INPP5A: variants seen among roughly 807,000 people sequenced by gnomAD.
The protein encoded by INPP5A is 43 kDa inositol polyphosphate 5-phophatase.
Under a neutral mutation model 65.2 loss-of-function variants are expected in INPP5A, and 14 were observed. The ratio of observed to expected loss-of-function variants is 0.21; its 90% confidence interval spans 0.14 to 0.34. INPP5A has a LOEUF of 0.34. Ranked by LOEUF, INPP5A falls within the 10% of genes least tolerant of loss-of-function variation. INPP5A has a pLI of 1.00. For missense variants in INPP5A, 431 were observed against 545.6 expected (o/e 0.79, Z 2.09); for synonymous variants, 207 against 208.3 (o/e 0.99, Z 0.05).
intron 5 of INPP5A, among the ~76,000 whole-genome samples, chr10:132,696,896 C>T (rs888026982): frequency 1.1e-4 from 16 of 152,216 alleles, no homozygotes; most frequent in Non-Finnish European, 2.2e-4. Context: ...CTCCTGCCCA[C>T]CCCAGTGGTG....
intron 1 of INPP5A, among the ~76,000 whole-genome samples, chr10:132,590,907 G>A (rs1442113471): frequency 6.6e-6 from 1 of 152,194 alleles, no homozygotes; most frequent in Non-Finnish European, 1.5e-5. Flanking sequence ...TTGCTCCATG[G>A]TTTTCACTTA....
At position 132,574,746 on chromosome 10, in the gene INPP5A, A is replaced by C. The variant is rs1279398536; in HGVS notation, c.76-33169A>C. Among the ~76,000 whole-genome samples the C allele has an allele frequency of 8.9e-5, 13 of 145,336 alleles. No individual in the cohort carries two copies. In the Admixed American group the frequency reaches 9.1e-4, roughly 10 times the overall value. ...CGCTCTGTTGCCCAGGCTGGAGTGC[A>C]GTCGTGGGATCTTGGCTCACTGCAA... is the stretch of plus-strand genomic sequence containing the variant. On this transcript the variant is annotated intron_variant, in intron 1 of 15. Coordinates refer to ENST00000368594, the MANE Select transcript of INPP5A (RefSeq NM_005539.5).
At chr10:132,630,419 G>T (rs1275091867) in intron 2 of INPP5A, among the ~76,000 whole-genome samples, 1 of 151,906 alleles carries the variant, frequency 6.6e-6, no homozygotes, top group African/African-American at 2.4e-5. Flanking sequence ...GTGTCCATAA[G>T]GGAAAGGTGC....
chr10:132,563,361 G>T (rs1298800585), intron 1 of INPP5A, among the ~76,000 whole-genome samples: 1 of 152,180 alleles, frequency 6.6e-6, no homozygotes, highest in Non-Finnish European at 1.5e-5. Flanking sequence ...CGTCTGCCGG[G>T]TGCTGCGGGA....
At position 132,644,496 on chromosome 10, in the gene INPP5A, T is replaced by C. The variant is rs1156878537; in HGVS notation, c.118-1372T>C. 6.6e-6 allele frequency among the ~76,000 whole-genome samples: 1 copy of C among 152,252 alleles called. No homozygotes were observed. Among genetic ancestry groups the C allele is most frequent in the African/African-American group, 2.4e-5 (1 of 41,464 alleles). ...CTTGCTGGCTGCCCACTTGCTCAGCTGCGCCCTGGACCGTGGCCGCTGGGC... is the reference window on the plus strand; with the variant it reads ...CTTGCTGGCTGCCCACTTGCTCAGCCGCGCCCTGGACCGTGGCCGCTGGGC... On this transcript the variant is annotated intron_variant, in intron 2 of 15. Transcript: ENST00000368594. This position sits in a 1 kb window ranked among gnomAD's most constrained non-coding sequence, Gnocchi z 6.5.
chr10:132,771,128 CG>C (rs1846940361), intron 12 of INPP5A, among the ~76,000 whole-genome samples: 1 of 152,084 alleles, frequency 6.6e-6, no homozygotes, highest in South Asian at 2.1e-4. Context: ...ATATGGTGTC[CG>C]TGAAAACGAG....
Position 132,546,480 on chromosome 10 carries a change from T to C in INPP5A, c.75+8309T>C, listed in dbSNP as rs2070973147. 6.6e-6 allele frequency among the ~76,000 whole-genome samples: 1 copy of C among 151,800 alleles called. No individual in the cohort carries two copies. The highest frequency in any genetic ancestry group is 1.5e-5 in the Non-Finnish European group (1 of 67,942). On this transcript the variant is annotated intron_variant, in intron 1 of 15. Transcript: ENST00000368594. This position sits in a 1 kb window ranked among gnomAD's most constrained non-coding sequence, Gnocchi z 5.7. Reference sequence around the variant, plus strand: ...TCTTGATCCTTCTCTCCGACAGGAGTGTGAGACTCCTCTTCAGGGGTTGCT... The same window carrying C: ...TCTTGATCCTTCTCTCCGACAGGAGCGTGAGACTCCTCTTCAGGGGTTGCT...
intron 2 of INPP5A, among the ~76,000 whole-genome samples, chr10:132,641,432 CTAGTCCAG>C (rs2072426195): frequency 6.6e-6 from 1 of 152,226 alleles, no homozygotes; most frequent in Non-Finnish European, 1.5e-5. Flanking sequence ...ATACAGCTAA[CTAGTCCAG>C]CTATCCGGAT....
At chr10:132,699,921 T>C (rs1263488074) in intron 6 of INPP5A, among the ~76,000 whole-genome samples, 1 of 152,196 alleles carries the variant, frequency 6.6e-6, no homozygotes, top group East Asian at 1.9e-4. Flanking sequence ...GCCTCTGCTA[T>C]GACTTTGCCA....
chr10:132,730,594 A>G (rs1846067279), intron 9 of INPP5A, among the ~76,000 whole-genome samples: 1 of 152,226 alleles, frequency 6.6e-6, no homozygotes, highest in African/African-American at 2.4e-5. Flanking sequence ...CTGGCCATCG[A>G]AGCGTCAGAG....
chr10:132,690,965 T>C (rs558132210), intron 5 of INPP5A, among the ~76,000 whole-genome samples: 115 of 152,268 alleles, frequency 7.6e-4, no homozygotes, highest in South Asian at 2.3e-3. Context: ...CCGTGCGTGC[T>C]CCACACGGCC....
At chr10:132,548,334 CAGGGGA>C (rs2071005435) in intron 1 of INPP5A, among the ~76,000 whole-genome samples, 1 of 152,038 alleles carries the variant, frequency 6.6e-6, no homozygotes, top group Non-Finnish European at 1.5e-5. Flanking sequence ...TCAGTGGGGC[CAGGGGA>C]AGGGGTGTTG....
chr10:132,586,412 G>A (rs993615521), intron 1 of INPP5A, among the ~76,000 whole-genome samples: 3 of 152,218 alleles, frequency 2.0e-5, no homozygotes, highest in African/African-American at 4.8e-5. Context: ...GCTCCGTGGC[G>A]ACCTCGTCAC....
At chr10:132,717,220 C>T (rs1035129988) in intron 8 of INPP5A, among the ~76,000 whole-genome samples, 1 of 152,248 alleles carries the variant, frequency 6.6e-6, no homozygotes, top group African/African-American at 2.4e-5. Context: ...CAAGGACACC[C>T]TTCCTCTTGC....
In INPP5A at chr10:132,646,030, G is replaced by T. The variant is rs1230535489; in HGVS notation, c.218+62G>T. The stretch of plus-strand genomic sequence containing the variant: ...CCCAGGGGTGTGGGGTGCCGGCGGG[G>T]GTCTTTTCATGGTACTATGATCACC... On this transcript the variant is annotated intron_variant, in intron 3 of 15. Coordinates refer to ENST00000368594, the MANE Select transcript of INPP5A (RefSeq NM_005539.5). 8 of 1,131,156 alleles carry T rather than the reference G, an allele frequency of 7.1e-6. No homozygotes were observed. The East Asian group carries it at 1.5e-4, about 21-fold the overall frequency. The allele number at this position is 1,131,156 out of a possible 1,614,324, so 70.1% of individuals were successfully genotyped here.
rs2133445338 is a variant in INPP5A, at chr10:132,675,853, T to TTG, written c.307-14539_307-14538insTG. 6.6e-6 allele frequency among the ~76,000 whole-genome samples: 1 copy of TTG among 152,374 alleles called. No individual in the cohort carries two copies. The highest frequency in any genetic ancestry group is 1.9e-4 in the East Asian group (1 of 5,196). On this transcript the variant is annotated intron_variant, in intron 4 of 15. Transcript: ENST00000368594. The surrounding 1 kb of genome is among the most constrained non-coding windows in gnomAD (Gnocchi z 4.2). ...CAGAAGGTATTTTGTAAACAGCTTG[T>TTG]GTTCAGTGTTGGCCATCTCTTAAAG...
In INPP5A at chr10:132,651,812, A is replaced by C. The variant is rs564399202; in HGVS notation, c.306+1307A>C. On this transcript the variant is annotated intron_variant, in intron 4 of 15. Coordinates refer to ENST00000368594, the MANE Select transcript of INPP5A (RefSeq NM_005539.5). This position sits in a 1 kb window ranked among gnomAD's most constrained non-coding sequence, Gnocchi z 5.0. ...TCCCTGAGATGGTCACACAGCTGTC[A>C]TGCGTGGTCCCCACCAGTAGTGGAG... Among the ~76,000 whole-genome samples the C allele has an allele frequency of 6.6e-6, 1 of 152,312 alleles. No homozygotes were observed. Among genetic ancestry groups the C allele is most frequent in the African/African-American group, 2.4e-5 (1 of 41,570 alleles).
chr10:132,713,651 G>GCCACTA (rs1367565854), intron 8 of INPP5A, among the ~76,000 whole-genome samples: 1 of 152,162 alleles, frequency 6.6e-6, no homozygotes, highest in Non-Finnish European at 1.5e-5. Context: ...GCCTGGTCCC[G>GCCACTA]GGGAGGGTGG....
In INPP5A at chr10:132,650,936, T is replaced by G. The variant is rs2072568708; in HGVS notation, c.306+431T>G. Among the ~76,000 whole-genome samples, 1 of 152,178 alleles carries G rather than the reference T, an allele frequency of 6.6e-6. No individual in the cohort carries two copies. The highest frequency in any genetic ancestry group is 2.4e-5 in the African/African-American group (1 of 41,450). ...TTCCTGATCCCTGAGTGTGCAGGGC[T>G]GGGGCGGTGTCCTGCCTCGGAGAGA... On this transcript the variant is annotated intron_variant, in intron 4 of 15. Coordinates refer to ENST00000368594, the MANE Select transcript of INPP5A (RefSeq NM_005539.5). The surrounding 1 kb of genome is among the most constrained non-coding windows in gnomAD (Gnocchi z 5.5).
Sources: gnomAD v4.1 joint callset for allele counts (sites outside exome capture counted in the v4.1 genomes callset) on GRCh38, gnomAD v4.1.1 for gene constraint, Gnocchi (gnomAD v3.1) non-coding constraint, MANE v1.5 for transcripts, NCBI Gene and HGNC (gene_info 2026-07-23, HGNC 2026-07-21) for gene names.